PDCD1: variants seen among roughly 807,000 people sequenced by gnomAD.
PDCD1 encodes programmed cell death protein 1.
A neutral mutation model predicts 23.6 loss-of-function variants in PDCD1; 10 were observed. That is an observed-to-expected ratio of 0.42 (90% CI 0.26 to 0.72). The LOEUF is 0.72. PDCD1 is among the 30% of genes least tolerant of loss of function. The probability of loss-of-function intolerance (pLI) is 0.24; values close to 1 mark genes in which losing one functional copy is unlikely to be tolerated. For missense variants in PDCD1, 313 were observed against 397.8 expected, an observed-to-expected ratio of 0.79 and a Z score of 1.81; for synonymous variants, 168 against 169.3, an observed-to-expected ratio of 0.99 and a Z score of 0.06.
At position 241,850,455 on chromosome 2, in the gene PDCD1, C is replaced by T. The variant is rs1700877573; in HGVS notation, c.*603G>A. 4.0e-6 allele frequency: 1 copy of T among 252,280 alleles called. No homozygotes were observed. Among genetic ancestry groups the T allele is most frequent in the Non-Finnish European group, 7.7e-6 (1 of 129,678 alleles). The allele number at this position is 252,280 out of a possible 1,614,324, so 15.6% of individuals were successfully genotyped here. A position where few individuals can be genotyped will look rare whatever the true frequency, so the allele number is the denominator to read the frequency against. On this transcript the variant is annotated 3_prime_UTR_variant, in exon 5 of 5. Transcript: ENST00000334409. ...GCATGTGTAAAGGTGGAGGGGTTTCCTGCCCTGCCCACCACAGCCAGGAGC... is the reference window on the plus strand; with the variant it reads ...GCATGTGTAAAGGTGGAGGGGTTTCTTGCCCTGCCCACCACAGCCAGGAGC...
intron 3 of PDCD1, 27 bp from the exon 4 acceptor site, chr2:241,852,010 C>G: frequency 6.2e-7 from 1 of 1,609,834 alleles, no homozygotes; most frequent in South Asian, 1.1e-5. Flanking sequence ...TTGGGGTCAC[C>G]AGGCCGACCC....
Position 241,850,821 on chromosome 2 carries a change from C to G in PDCD1, c.*237G>C, listed in dbSNP as rs1381310821. 1 of 626,756 alleles carries G rather than the reference C, an allele frequency of 1.6e-6. No homozygotes were observed. Among genetic ancestry groups the G allele is most frequent in the Admixed American group, 2.6e-5 (1 of 38,242 alleles). 38.8% of individuals were successfully genotyped at this position (626,756 alleles called of 1,614,324 possible). Reference sequence around the variant, plus strand: ...ACCTGAAGCAGTGACTGCATCTGGCCCTCCCTGTAGGGGACGGTGACACCT... The same window carrying G: ...ACCTGAAGCAGTGACTGCATCTGGCGCTCCCTGTAGGGGACGGTGACACCT... On this transcript the variant is annotated 3_prime_UTR_variant, in exon 5 of 5. Coordinates refer to ENST00000334409, the MANE Select transcript of PDCD1 (RefSeq NM_005018.3).
chr2:241,858,676 C>A, intron 1 of PDCD1, 87 bp downstream of exon 1: 2 of 1,213,160 alleles, frequency 1.6e-6, no homozygotes, highest in Non-Finnish European at 2.4e-6. Flanking sequence ...AGGCCCGCCT[C>A]AGCACCCCCC....
chr2:241,858,715 C>G, intron 1 of PDCD1, 48 bp downstream of exon 1: 1 of 1,480,042 alleles, frequency 6.8e-7, no homozygotes, highest in African/African-American at 1.4e-5. Context: ...GGTGGAAGGT[C>G]CCTCCAGACC....
chr2:241,855,218 G>A (rs981966734), intron 1 of PDCD1, among the ~76,000 whole-genome samples: 15 of 152,044 alleles, frequency 9.9e-5, no homozygotes, highest in South Asian at 8.3e-4. Context: ...TGGGGTGGGG[G>A]CTAGACCTCG....
chr2:241,856,354 C>G (rs1429535606), intron 1 of PDCD1, among the ~76,000 whole-genome samples: 3 of 152,264 alleles, frequency 2.0e-5, no homozygotes, highest in Non-Finnish European at 4.4e-5. Flanking sequence ...TTAAAAGCCA[C>G]TCGGTCGGCG....
chr2:241,852,616 C>G lies in PDCD1; in HGVS notation c.436+5G>C, dbSNP rs760475632. ...ACCCCTGCCCCGGGGCCTCCGAGGCCGCACCTGTCACCCTGAGCTCTGCCC... is the reference window on the plus strand; with the variant it reads ...ACCCCTGCCCCGGGGCCTCCGAGGCGGCACCTGTCACCCTGAGCTCTGCCC... On this transcript the variant is annotated splice_donor_5th_base_variant and intron_variant, in intron 2 of 4. Transcript: ENST00000334409. 6.2e-7 allele frequency: 1 copy of G among 1,608,400 alleles called. No individual in the cohort carries two copies. The highest frequency in any genetic ancestry group is 8.5e-7 in the Non-Finnish European group (1 of 1,177,730).
Position 241,858,796 on chromosome 2 carries a change from G to C in PDCD1, c.43C>G (p.Leu15Val). The change falls in exon 1 of 5, where the codon CTA (leucine) becomes GTA (valine). Residue 15 changes from leucine to valine, a missense_variant. This residue lies in a region of PDCD1 where 135 missense variants were observed against 166.9 expected (regional missense o/e 0.81). Transcript: ENST00000334409. ...CATCCTGGCCGCCAGCCCAGTTGTA[G>C]CACCGCCCAGACGACTGGCCAGGGC... The part of the protein sequence containing the change: ...QAPWPVVWAV[L>V]QLGWRPGWFL... 6.3e-7 allele frequency: 1 copy of C among 1,592,472 alleles called. No individual in the cohort carries two copies. The highest frequency in any genetic ancestry group is 8.5e-7 in the Non-Finnish European group (1 of 1,170,022).
At chr2:241,858,703 AG>A in intron 1 of PDCD1, 59 bp downstream of exon 1, 2 of 1,407,804 alleles carry the variant, frequency 1.4e-6, no homozygotes, top group Non-Finnish European at 2.0e-6. Context: ...CCAGGGACTG[AG>A]GGTGGAAGGT....
At chr2:241,856,360 C>T (rs570054393) in intron 1 of PDCD1, among the ~76,000 whole-genome samples, 7 of 152,328 alleles carry the variant, frequency 4.6e-5, no homozygotes, top group African/African-American at 1.4e-4. Context: ...GCCACTCGGT[C>T]GGCGGAGCTT....
Position 241,851,005 on chromosome 2 carries a change from G to T in PDCD1, c.*53C>A. 6.4e-7 allele frequency: 1 copy of T among 1,571,458 alleles called. No individual in the cohort carries two copies. The highest frequency in any genetic ancestry group is 1.2e-5 in the South Asian group (1 of 83,800). On this transcript the variant is annotated 3_prime_UTR_variant, in exon 5 of 5. Transcript: ENST00000334409. ...CCTGCTTCTCCTGAGGAAATGCGCTGACCCGGGCTCATGGTGGAGGGTCTG... is the reference window on the plus strand; with the variant it reads ...CCTGCTTCTCCTGAGGAAATGCGCTTACCCGGGCTCATGGTGGAGGGTCTG...
chr2:241,850,947 G>A lies in PDCD1; in HGVS notation c.*111C>T. 1 of 1,400,688 alleles carries A rather than the reference G, an allele frequency of 7.1e-7. No homozygotes were observed. Among genetic ancestry groups the A allele is most frequent in the South Asian group, 1.4e-5 (1 of 71,142 alleles). 86.8% of individuals were successfully genotyped at this position (1,400,688 alleles called of 1,614,324 possible). On this transcript the variant is annotated 3_prime_UTR_variant, in exon 5 of 5. Transcript: ENST00000334409. ...GCCCCGGTCGCCCCCAGGCAGCTCA[G>A]CCCCTGGACGGCCTGCAATGGCCTG... is the stretch of plus-strand genomic sequence containing the variant.
intron 1 of PDCD1, 49 bp from the exon 2 acceptor site, chr2:241,853,029 C>T (rs777316847): frequency 1.3e-6 from 2 of 1,518,878 alleles, no homozygotes; most frequent in South Asian, 1.2e-5. Flanking sequence ...CCCACAAAGC[C>T]TCCCCGGCCA....
Position 241,850,723 on chromosome 2 carries a change from G to GGCGGCAGCAGCA in PDCD1, c.*334_*335insTGCTGCTGCCGC, listed in dbSNP as rs56346736. On this transcript the variant is annotated 3_prime_UTR_variant, in exon 5 of 5. Transcript: ENST00000334409. Reference sequence around the variant, plus strand: ...ACGGCGCCTTCAGCCCCGGGCCGCAGGCAGCAGCAGCAGCAGCAGCAGCAG... The same window carrying GGCGGCAGCAGCA: ...ACGGCGCCTTCAGCCCCGGGCCGCAGGCGGCAGCAGCAGCAGCAGCAGCAGCAGCAGCAGCAG... 5.3e-6 allele frequency: 3 copies of GGCGGCAGCAGCA among 563,384 alleles called. No individual in the cohort carries two copies. The African/African-American group carries it at 5.5e-5, about 10-fold the overall frequency. The allele number at this position is 563,384 out of a possible 1,614,324, so 34.9% of individuals were successfully genotyped here.
chr2:241,857,606 A>G (rs1305437433), intron 1 of PDCD1, among the ~76,000 whole-genome samples: 1 of 152,132 alleles, frequency 6.6e-6, no homozygotes, highest in Non-Finnish European at 1.5e-5. Context: ...TCCAGTTCTG[A>G]GTCCTGAGTG....
intron 1 of PDCD1, among the ~76,000 whole-genome samples, chr2:241,856,172 C>A (rs904784529): frequency 6.6e-6 from 1 of 152,190 alleles, no homozygotes; most frequent in African/African-American, 2.4e-5. Flanking sequence ...GGGAGCCGAC[C>A]CTGTGGCCCC....
intron 1 of PDCD1, among the ~76,000 whole-genome samples, chr2:241,855,911 C>G (rs1701015344): frequency 6.6e-6 from 1 of 152,142 alleles, no homozygotes; most frequent in African/African-American, 2.4e-5. Flanking sequence ...CCACAGATTC[C>G]TATGTGGAAG....
rs779874434 is a variant in PDCD1 at position 241,852,878 on chromosome 2, G to C, written c.179C>G (p.Ser60Trp). 14 of 1,602,924 alleles carry C rather than the reference G, an allele frequency of 8.7e-6. No homozygotes were observed. Among genetic ancestry groups the C allele is most frequent in the Non-Finnish European group, 1.2e-5 (14 of 1,179,798 alleles). ...GTACCAGTTTAGCACGAAGCTCTCCGATGTGTTGGAGAAGCTGCAGGTGAA... is the reference window on the plus strand; with the variant it reads ...GTACCAGTTTAGCACGAAGCTCTCCCATGTGTTGGAGAAGCTGCAGGTGAA... ...ATFTCSFSNT[S>W]ESFVLNWYRM... Residue 60 changes from serine (S) to tryptophan (W), a missense_variant, in exon 2 of 5, where the codon TCG becomes TGG. Ser to Trp is a radical substitution (Grantham distance 177). Transcript: ENST00000334409.
rs41400345 is a variant in PDCD1, at chr2:241,852,661, C to T, written c.396G>A (p.Ala132=). The T allele has an allele frequency of 7.8e-4, 1,263 of 1,613,160 alleles. 9 individuals are homozygous for T. In the African/African-American group the frequency reaches 0.014, roughly 18 times the overall value. Reference sequence around the variant, plus strand: ...CTGCCCGCAGGCTCTCTTTGATCTGCGCCTTGGGGGCCAGGGAGATGGCCC... The same window carrying T: ...CTGCCCGCAGGCTCTCTTTGATCTGTGCCTTGGGGGCCAGGGAGATGGCCC... ...LCGAISLAPK[A]QIKESLRAEL... The change falls in exon 2 of 5, where the codon GCG becomes GCA. Residue 132 remains alanine (A), a synonymous_variant. Transcript: ENST00000334409.
Sources: gnomAD v4.1 joint callset for allele counts (sites outside exome capture counted in the v4.1 genomes callset) on GRCh38, gnomAD v4.1.1 for gene constraint, gnomAD v4.1.1 regional missense constraint, MANE v1.5 for transcripts, NCBI Gene and HGNC (gene_info 2026-07-23, HGNC 2026-07-21) for gene names.